RGS6: variants seen among roughly 807,000 people sequenced by gnomAD.
RGS6 encodes regulator of G protein signaling 6, also known as regulator of G-protein signaling 6.
RGS6 carries 30 observed loss-of-function variants against 78.5 expected under a neutral mutation model. That is an observed-to-expected ratio of 0.38 (90% confidence interval 0.29 to 0.52). RGS6 has a LOEUF of 0.52. RGS6 is among the 20% of genes least tolerant of loss of function. The pLI is 0.85. For missense variants in RGS6, 495 were observed against 609.7 expected (o/e 0.81, Z 1.98); for synonymous variants, 206 against 206.0 (o/e 1.00, Z 0.00).
chr14:72,514,451 T>C (rs1359533354), intron 14 of RGS6, among the ~76,000 whole-genome samples: 2 of 152,214 alleles, frequency 1.3e-5, no homozygotes, highest in Admixed American at 1.3e-4. Flanking sequence ...ATCCTCTTCC[T>C]TGAAAGCCTC....
intron 3 of RGS6, among the ~76,000 whole-genome samples, chr14:72,430,260 G>A (rs2094573629): frequency 6.6e-6 from 1 of 152,150 alleles, no homozygotes; most frequent in Non-Finnish European, 1.5e-5. Context: ...TAGATAGTCT[G>A]TATTATCTCT....
the RGS6 span, chr14:72,595,053 T>C: frequency 1.5e-4 from 23 of 152,132 alleles, no homozygotes; most frequent in African/African-American, 5.6e-4. Context: ...AAGCATGGTG[T>C]CTCCCATAAA....
At chr14:72,440,768 T>A (rs1458674382) in intron 3 of RGS6, among the ~76,000 whole-genome samples, 1 of 152,182 alleles carries the variant, frequency 6.6e-6, no homozygotes, top group East Asian at 1.9e-4. Flanking sequence ...TTCCTAAAAC[T>A]CTGTTCTTAA....
intron 13 of RGS6, among the ~76,000 whole-genome samples, chr14:72,506,984 T>TAAAAAAAAAAAAAAAAAAAAA (rs71109738): frequency 9.2e-5 from 5 of 54,396 alleles, no homozygotes; most frequent in African/African-American, 1.4e-4. Context: ...CTGTCTCTAC[T>TAAAAAAAAAAAAAAAAAAAAA]AAAAAAAAAA....
chr14:71,946,407 G>T (rs1418424592), intron 1 of RGS6, among the ~76,000 whole-genome samples: 5 of 152,118 alleles, frequency 3.3e-5, no homozygotes, highest in Admixed American at 1.3e-4. Context: ...CTGGCCTGGG[G>T]TCTCTGCTGC....
the RGS6 span, among the ~76,000 whole-genome samples, chr14:71,921,023 AT>A: frequency 1.3e-5 from 2 of 152,212 alleles, no homozygotes; most frequent in Non-Finnish European, 2.9e-5. Context: ...AAATAACTTG[AT>A]TTAAAAAAAG....
intron 2 of RGS6, among the ~76,000 whole-genome samples, chr14:72,226,444 T>C (rs917794243): frequency 3.9e-5 from 6 of 152,216 alleles, no homozygotes; most frequent in Non-Finnish European, 7.4e-5. Flanking sequence ...GACGTGTCTA[T>C]ATGGATGGAT....
At chr14:71,898,333 G>A in the RGS6 span, among the ~76,000 whole-genome samples, 1 of 151,954 alleles carries the variant, frequency 6.6e-6, no homozygotes, top group Non-Finnish European at 1.5e-5. Flanking sequence ...CTCTTTTTGA[G>A]GGTTTACTGA....
intron 12 of RGS6, among the ~76,000 whole-genome samples, chr14:72,489,838 G>A (rs75592842): frequency 0.057 from 8,672 of 152,260 alleles, 305 homozygotes; most frequent in Middle Eastern, 0.13. Context: ...CTCCAAAACC[G>A]AGTATAAACT....
intron 2 of RGS6, among the ~76,000 whole-genome samples, chr14:72,146,882 A>T (rs1223471224): frequency 6.6e-6 from 1 of 152,208 alleles, no homozygotes; most frequent in Non-Finnish European, 1.5e-5. Context: ...TTTGCTACTT[A>T]GGCATTTGCT....
intron 2 of RGS6, among the ~76,000 whole-genome samples, chr14:72,226,100 TG>T (rs2048065203): frequency 6.6e-6 from 1 of 152,208 alleles, no homozygotes; most frequent in African/African-American, 2.4e-5. Context: ...CACTTTGTTC[TG>T]GAAAACTAAG....
the RGS6 span, among the ~76,000 whole-genome samples, chr14:71,899,478 A>G: frequency 2.0e-5 from 3 of 152,336 alleles, no homozygotes; most frequent in South Asian, 4.2e-4. Flanking sequence ...ATGAGTAACA[A>G]GTATGTTGTT....
chr14:71,887,165 A>T, the RGS6 span, among the ~76,000 whole-genome samples: 1 of 152,196 alleles, frequency 6.6e-6, no homozygotes, highest in African/African-American at 2.4e-5. Flanking sequence ...TAATACTTTT[A>T]TAATTTCTTA....
At chr14:72,496,266 T>C (rs934280629) in intron 13 of RGS6, among the ~76,000 whole-genome samples, 4 of 152,216 alleles carry the variant, frequency 2.6e-5, no homozygotes, top group African/African-American at 9.7e-5. Context: ...TGTGGGGAAC[T>C]CACAGAGTTA....
At chr14:72,137,727 C>T (rs574297700) in intron 2 of RGS6, among the ~76,000 whole-genome samples, 6 of 152,302 alleles carry the variant, frequency 3.9e-5, no homozygotes, top group African/African-American at 1.4e-4. Context: ...GAGCTTCTGT[C>T]CCCATGGAAT....
the RGS6 span, among the ~76,000 whole-genome samples, chr14:72,587,938 G>A: frequency 6.5e-4 from 99 of 152,262 alleles, no homozygotes; most frequent in African/African-American, 2.4e-3. Flanking sequence ...AGACATCATC[G>A]GCCAGTAAGA....
intron 2 of RGS6, among the ~76,000 whole-genome samples, chr14:72,189,412 A>T (rs1379961926): frequency 2.6e-5 from 4 of 152,218 alleles, no homozygotes; most frequent in Admixed American, 2.0e-4. Flanking sequence ...TAATAAAATA[A>T]TTGTATAAAT....
chr14:72,228,961 A>G (rs2048850321), intron 2 of RGS6, among the ~76,000 whole-genome samples: 1 of 152,200 alleles, frequency 6.6e-6, no homozygotes, highest in Non-Finnish European at 1.5e-5. Context: ...AGGCTGAGGC[A>G]GAAGAATCGC....
At chr14:72,224,461 T>C (rs2047630292) in intron 2 of RGS6, among the ~76,000 whole-genome samples, 1 of 150,430 alleles carries the variant, frequency 6.6e-6, no homozygotes, top group Admixed American at 6.6e-5. Context: ...GGTGTGGGTT[T>C]TTTTTTTTAT....
Sources: allele counts gnomAD v4.1 joint callset (sites outside exome capture counted in the v4.1 genomes callset), GRCh38; gene constraint gnomAD v4.1.1; transcripts MANE v1.5; gene names NCBI Gene and HGNC (gene_info 2026-07-23, HGNC 2026-07-21).